Variants in NUP210 observed in about 807,000 individuals in gnomAD.
NUP210 encodes nuclear pore membrane glycoprotein 210.
NUP210 carries 151 observed loss-of-function variants against 196.0 expected under a neutral mutation model. The ratio of observed to expected loss-of-function variants is 0.77; its 90% CI spans 0.67 to 0.88. The LOEUF is 0.88. Ranked by LOEUF, NUP210 falls within the 40% of genes least tolerant of loss-of-function variation. The probability of loss-of-function intolerance (pLI) is 0.00; values close to 1 mark genes in which losing one functional copy is unlikely to be tolerated. For missense variants in NUP210, 2,314 were observed against 2,493.7 expected (o/e 0.93, Z 1.53); for synonymous variants, 1,070 against 1,052.7 (o/e 1.02, Z -0.32).
chr3:13,408,446 T>C (rs1700064745), intron 1 of NUP210, among the ~76,000 whole-genome samples: 1 of 152,234 alleles, frequency 6.6e-6, no homozygotes, highest in African/African-American at 2.4e-5. Flanking sequence ...TCCTTAAATC[T>C]TTCACAGAAT....
rs1697402532 is a variant in NUP210 at position 13,340,075 on chromosome 3, C to G, written c.3292-42G>C. The G allele has an allele frequency of 1.2e-6, 2 of 1,605,604 alleles. No homozygotes were observed. Among genetic ancestry groups the G allele is most frequent in the South Asian group, 2.2e-5 (2 of 90,458 alleles). ...CAGCGGCGTGTCAGTGCCCGTCATG[C>G]CAGGCAGCCCGCACCTCCCACTCAG... On this transcript the variant is annotated intron_variant, in intron 24 of 39. Coordinates refer to ENST00000254508, the MANE Select transcript of NUP210 (RefSeq NM_024923.4). The surrounding 1 kb of genome is among the most constrained non-coding windows in gnomAD (Gnocchi z 4.0).
chr3:13,324,576 G>T (rs1473102098), intron 33 of NUP210, among the ~76,000 whole-genome samples: 1 of 152,146 alleles, frequency 6.6e-6, no homozygotes, highest in Non-Finnish European at 1.5e-5. Flanking sequence ...ACTTCTGGAT[G>T]CTCATGGAGC....
chr3:13,403,338 C>T (rs1699902319), intron 1 of NUP210, among the ~76,000 whole-genome samples: 1 of 152,218 alleles, frequency 6.6e-6, no homozygotes, highest in Admixed American at 6.5e-5. Context: ...TGCCTGCTGT[C>T]TTCCCACTGT....
At chr3:13,335,763 T>TAGCAGACCCAACCCA in intron 27 of NUP210, 151 bp from the exon 28 acceptor site, 2 of 896,772 alleles carry the variant, frequency 2.2e-6, no homozygotes, top group Non-Finnish European at 3.4e-6. Flanking sequence ...CTGCCTGGGT[T>TAGCAGACCCAACCCA]GGGTCTGCTA....
chr3:13,399,592 G>C, intron 2 of NUP210, 133 bp downstream of exon 2: 1 of 1,215,192 alleles, frequency 8.2e-7, no homozygotes, highest in Admixed American at 2.0e-5. Flanking sequence ...CCTGTCTCCT[G>C]CCTGGGTGTC....
At chr3:13,368,459 G>A (rs569896012) in intron 13 of NUP210, among the ~76,000 whole-genome samples, 1 of 152,182 alleles carries the variant, frequency 6.6e-6, no homozygotes, top group Non-Finnish European at 1.5e-5. Flanking sequence ...AACACCTTTT[G>A]TGTGTATAGT....
In NUP210 at chr3:13,370,436, A is replaced by G. The variant is rs184483202; in HGVS notation, c.1786+1398T>C. On this transcript the variant is annotated intron_variant, in intron 13 of 39. Transcript: ENST00000254508. ...AGAGGCTAGGCAGCACACCAGCATCATACAGCCAGCAAGGGAGTGGAGTGG... is the reference window on the plus strand; with the variant it reads ...AGAGGCTAGGCAGCACACCAGCATCGTACAGCCAGCAAGGGAGTGGAGTGG... Among the ~76,000 whole-genome samples the G allele has an allele frequency of 5.3e-5, 8 of 152,312 alleles. No homozygotes were observed. The East Asian group carries it at 1.5e-3, about 29-fold the overall frequency.
chr3:13,357,907 G>A (rs1202717039), intron 16 of NUP210, among the ~76,000 whole-genome samples: 2 of 152,170 alleles, frequency 1.3e-5, no homozygotes, highest in Non-Finnish European at 2.9e-5. Context: ...AGGCACAGAA[G>A]ACAACAAGTT....
intron 13 of NUP210, among the ~76,000 whole-genome samples, chr3:13,370,551 C>T (rs1559332672): frequency 1.3e-5 from 2 of 152,206 alleles, no homozygotes; most frequent in Admixed American, 6.5e-5. Flanking sequence ...AGACTCCCTC[C>T]AGGACGGTTG....
rs1696440335 is a variant in NUP210 at position 13,319,840 on chromosome 3, G to C, written c.5306C>G (p.Ser1769Cys). 2 of 1,614,248 alleles carry C rather than the reference G, an allele frequency of 1.2e-6. No individual in the cohort carries two copies. The highest frequency in any genetic ancestry group is 1.7e-6 in the Non-Finnish European group (2 of 1,180,038). The stretch of plus-strand genomic sequence containing the variant: ...AATGGCTTGGTTGGTCACGGGGCTG[G>C]AGAAGGTCAGGGTAGTGGACAGAGG... ...QGPLSTTLTFSSPVTNQAIAI... is the reference protein window; with the variant it reads ...QGPLSTTLTFCSPVTNQAIAI... Residue 1769 changes from serine (S) to cysteine (C), a missense_variant, in exon 37 of 40, where the codon TCC becomes TGC. Transcript: ENST00000254508.
chr3:13,348,335 G>A lies in NUP210; in HGVS notation c.2835+3544C>T. 1.0e-6 allele frequency: 1 copy of A among 978,108 alleles called. No homozygotes were observed. The highest frequency in any genetic ancestry group is 1.2e-6 in the Non-Finnish European group (1 of 823,302). 60.6% of individuals were successfully genotyped at this position (978,108 alleles called of 1,614,324 possible). On this transcript the variant is annotated intron_variant, in intron 20 of 39. Coordinates refer to ENST00000254508, the MANE Select transcript of NUP210 (RefSeq NM_024923.4). The surrounding 1 kb of genome is among the most constrained non-coding windows in gnomAD (Gnocchi z 4.0). ...AGCCTAGTCCATCACCGACCTCTAG[G>A]AACTCTTGTTCTTGGAGTAAAGGTC... is the stretch of plus-strand genomic sequence containing the variant.
In NUP210 at chr3:13,375,571, G is replaced by C; in HGVS notation, c.1364C>G (p.Thr455Ser). 6.2e-7 allele frequency: 1 copy of C among 1,614,154 alleles called. No individual in the cohort carries two copies. The highest frequency in any genetic ancestry group is 2.2e-5 in the East Asian group (1 of 44,888). The change falls in exon 11 of 40, where the codon ACC (threonine) becomes AGC (serine). Residue 455 changes from threonine (T) to serine (S), a missense_variant. Thr to Ser is a moderately conservative substitution (Grantham distance 58). Transcript: ENST00000254508. ...AAATGTCAAGATGCTGGGATACAGG[G>C]TGATCGGGATGTGAATTTCCACCTC... The part of the protein sequence containing the change: ...QQEVEIHIPI[T>S]LYPSILTFPW...
chr3:13,373,636 T>C (rs1698802194), intron 12 of NUP210, 82 bp downstream of exon 12: 1 of 1,448,326 alleles, frequency 6.9e-7, no homozygotes, highest in East Asian at 2.3e-5. Flanking sequence ...TGTTTCTGAG[T>C]GAAGTCGAGG....
Position 13,335,559 on chromosome 3 carries a change from C to A in NUP210, c.3738G>T (p.Arg1246=). ...CCCTCAGCCCGGTCCGGCCTTTTAC[C>A]CGGCCGAGCACGTTCATGGCAAAGT... The part of the protein sequence containing the change: ...QYNFAMNVLG[R]VKGRTGLRVV... The change falls in exon 28 of 40, where the codon CGG becomes CGT. Residue 1246 remains arginine (R), a synonymous_variant. Coordinates refer to ENST00000254508, the MANE Select transcript of NUP210 (RefSeq NM_024923.4). 1 of 1,614,112 alleles carries A rather than the reference C, an allele frequency of 6.2e-7. No individual in the cohort carries two copies. Among genetic ancestry groups the A allele is most frequent in the East Asian group, 2.2e-5 (1 of 44,882 alleles).
intron 16 of NUP210, 106 bp from the exon 17 acceptor site, chr3:13,354,213 G>GT (rs1698088282): frequency 1.0e-6 from 1 of 963,814 alleles, no homozygotes; most frequent in African/African-American, 1.6e-5. Flanking sequence ...GGCTCTTGGG[G>GT]GTGCTGGTGA....
chr3:13,362,737 C>A (rs1051825287), intron 14 of NUP210, among the ~76,000 whole-genome samples: 1 of 152,118 alleles, frequency 6.6e-6, no homozygotes, highest in East Asian at 1.9e-4. Flanking sequence ...CCGGACTCGA[C>A]CTTCAACAGA....
chr3:13,360,048 A>G (rs1698316268), intron 15 of NUP210, among the ~76,000 whole-genome samples: 1 of 152,210 alleles, frequency 6.6e-6, no homozygotes, highest in Non-Finnish European at 1.5e-5. Context: ...GGCCTACTCT[A>G]TGAAAGCTGG....
In NUP210 at chr3:13,391,323, GGA is replaced by G. The variant is rs747777629; in HGVS notation, c.437-18_437-17del. ...AAGGTGTTCCCTATAAGAGCAGATG[GGA>G]GAGGCAGACAGATATGGAGTTAATT... On this transcript the variant is annotated splice_polypyrimidine_tract_variant and intron_variant, in intron 3 of 39. Transcript: ENST00000254508. 5 of 1,552,390 alleles carry G rather than the reference GGA, an allele frequency of 3.2e-6. No homozygotes were observed. The South Asian group carries it at 4.6e-5, about 14-fold the overall frequency.
chr3:13,403,457 C>G (rs1437207925), intron 1 of NUP210, among the ~76,000 whole-genome samples: 2 of 152,218 alleles, frequency 1.3e-5, no homozygotes, highest in East Asian at 3.9e-4. Context: ...CCCAAAGGTG[C>G]TACCTCAAAT....
Sources: gnomAD v4.1 joint callset for allele counts (sites outside exome capture counted in the v4.1 genomes callset) on GRCh38, gnomAD v4.1.1 for gene constraint, Gnocchi (gnomAD v3.1) non-coding constraint, MANE v1.5 for transcripts, NCBI Gene and HGNC (gene_info 2026-07-23, HGNC 2026-07-21) for gene names.